The following PDE2A variants were observed in gnomAD, a reference collection of about 807,000 sequenced individuals.
PDE2A encodes cGMP-dependent 3',5'-cyclic phosphodiesterase.
In PDE2A, 53 loss-of-function variants were observed where a neutral mutation model predicts 133.6. The ratio of observed to expected loss-of-function variants is 0.40; its 90% CI spans 0.32 to 0.50. The LOEUF (loss-of-function observed/expected upper bound fraction) is 0.50, where lower values mean the gene tolerates loss of function less well. Among genes scored for constraint, PDE2A ranks in the 20% least tolerant of loss-of-function variants. PDE2A has a pLI of 0.73. For synonymous variants in PDE2A, 491 were observed against 490.2 expected (o/e 1.00, Z -0.02); for missense variants, 796 against 1,232.4 (o/e 0.65, Z 5.30).
chr11:72,580,318 G>A (rs1423943342), intron 25 of PDE2A, among the ~76,000 whole-genome samples: 1 of 152,190 alleles, frequency 6.6e-6, no homozygotes, highest in Non-Finnish European at 1.5e-5. Context: ...CCCATCCCAA[G>A]TTTGGCAGGA....
chr11:72,635,907 G>C (rs1347359229), intron 2 of PDE2A: 3 of 1,031,056 alleles, frequency 2.9e-6, no homozygotes, highest in East Asian at 6.9e-5. Flanking sequence ...TCTCACTCCC[G>C]GCCCTCTCCA....
At position 72,577,299 on chromosome 11, in the gene PDE2A, CCGTGGCT is replaced by C. The variant is rs1195947037; in HGVS notation, c.*78_*84del. On this transcript the variant is annotated 3_prime_UTR_variant, in exon 31 of 31. Coordinates refer to ENST00000334456, the MANE Select transcript of PDE2A (RefSeq NM_002599.5). ...GAAGTCCTGGTCTAGGACCCAGGACCCGTGGCTCTGTTCCCAGTGCATCTGGCCAGAC... is the reference window on the plus strand; with the variant it reads ...GAAGTCCTGGTCTAGGACCCAGGACCCTGTTCCCAGTGCATCTGGCCAGAC... The C allele has an allele frequency of 9.0e-5, 91 of 1,011,886 alleles. 1 individual carries two copies. In the Middle Eastern group the frequency reaches 1.0e-3, roughly 11 times the overall value. The allele number at this position is 1,011,886 out of a possible 1,614,324, so 62.7% of individuals were successfully genotyped here. A position where few individuals can be genotyped will look rare whatever the true frequency, so the allele number is the denominator to read the frequency against.
chr11:72,632,770 T>C (rs1858471506), intron 2 of PDE2A, among the ~76,000 whole-genome samples: 1 of 151,226 alleles, frequency 6.6e-6, no homozygotes, highest in African/African-American at 2.4e-5. Flanking sequence ...AGAATCCAGC[T>C]CCCCCCTCAC....
chr11:72,671,911 C>T (rs1481952449), intron 1 of PDE2A, among the ~76,000 whole-genome samples: 2 of 152,142 alleles, frequency 1.3e-5, no homozygotes, highest in Non-Finnish European at 2.9e-5. Flanking sequence ...TTTCCTGAGC[C>T]TTCCATGAGC....
intron 4 of PDE2A, among the ~76,000 whole-genome samples, chr11:72,603,596 T>G (rs566682522): frequency 6.6e-6 from 1 of 152,294 alleles, no homozygotes; most frequent in South Asian, 2.1e-4. Context: ...CAAAGTTCTT[T>G]AGAATTAGAG....
intron 4 of PDE2A, among the ~76,000 whole-genome samples, chr11:72,600,641 G>A (rs370693974): frequency 6.6e-6 from 1 of 152,076 alleles, no homozygotes; most frequent in Non-Finnish European, 1.5e-5. Context: ...TCAGACCCCC[G>A]ATAGCTCCTT....
Position 72,590,078 on chromosome 11 carries a change from G to A in PDE2A, c.757-97C>T. 7.1e-7 allele frequency: 1 copy of A among 1,407,562 alleles called. No individual in the cohort carries two copies. 87.2% of individuals were successfully genotyped at this position (1,407,562 alleles called of 1,614,324 possible). On this transcript the variant is annotated intron_variant, in intron 9 of 30. Coordinates refer to ENST00000334456, the MANE Select transcript of PDE2A (RefSeq NM_002599.5). The surrounding 1 kb of genome is among the most constrained non-coding windows in gnomAD (Gnocchi z 4.8). ...CTCCGGGGCTCTTCAGGCGGGTGGA[G>A]GAGAGAGGAAGGAAGGACATCGTAA...
rs564692663 is a variant in PDE2A, at chr11:72,657,564, G to A, written c.72-15238C>T. On this transcript the variant is annotated intron_variant, in intron 1 of 30. Coordinates refer to ENST00000334456, the MANE Select transcript of PDE2A (RefSeq NM_002599.5). ...AGCCAAAGGGGTCTCTGGCCTCTGC[G>A]GCTGAGCCCTGACTGGAGGCTAAGA... 3.9e-5 allele frequency among the ~76,000 whole-genome samples: 6 copies of A among 152,270 alleles called. No individual in the cohort carries two copies. In the South Asian group the frequency reaches 8.3e-4, roughly 21 times the overall value.
chr11:72,645,041 C>CACTG (rs924754176), intron 1 of PDE2A, among the ~76,000 whole-genome samples: 2 of 152,242 alleles, frequency 1.3e-5, no homozygotes, highest in Non-Finnish European at 2.9e-5. Context: ...AGGTGTGAGC[C>CACTG]ACTGCACCCA....
Position 72,591,193 on chromosome 11 carries a change from C to T in PDE2A, c.549+104G>A, listed in dbSNP as rs146209915. ...TCACACAGCTCAAAAGCAGCAAAGC[C>T]GAAGCTGAAACCCAGGTCTGTCCAG... is the stretch of plus-strand genomic sequence containing the variant. On this transcript the variant is annotated intron_variant, in intron 7 of 30. Transcript: ENST00000334456. 1.4e-3 allele frequency: 1,295 copies of T among 917,910 alleles called. 8 individuals carry two copies. The African/African-American group carries it at 0.019, about 13-fold the overall frequency. The allele number at this position is 917,910 out of a possible 1,614,324, so 56.9% of individuals were successfully genotyped here.
At chr11:72,641,790 T>A (rs1316615547) in intron 2 of PDE2A, among the ~76,000 whole-genome samples, 1 of 152,104 alleles carries the variant, frequency 6.6e-6, no homozygotes, top group Non-Finnish European at 1.5e-5. Flanking sequence ...TCTGAGCGGG[T>A]GTCCAGTTGA....
chr11:72,605,274 T>C (rs1212641504), intron 3 of PDE2A, 48 bp from the exon 4 acceptor site: 2 of 1,234,016 alleles, frequency 1.6e-6, no homozygotes, highest in Non-Finnish European at 1.2e-6. Context: ...CCCTCCCAGC[T>C]GCCCAGTCCC....
Position 72,590,315 on chromosome 11 carries a change from C to G in PDE2A, c.704-71G>C. On this transcript the variant is annotated intron_variant, in intron 8 of 30. Coordinates refer to ENST00000334456, the MANE Select transcript of PDE2A (RefSeq NM_002599.5). The surrounding 1 kb of genome is among the most constrained non-coding windows in gnomAD (Gnocchi z 4.8). ...CCGTGTCCGGGTCCCTCAGGCGCCG[C>G]TCAGCTCCGCGCCGGGCCCGCCGCC... 2 of 1,539,910 alleles carry G rather than the reference C, an allele frequency of 1.3e-6. No individual in the cohort carries two copies.
In PDE2A at chr11:72,581,944, T is replaced by C. The variant is rs562164702; in HGVS notation, c.1855A>G (p.Ile619Val). ...SLPEDDTSMA[I>V]LSMLQDMNFI... ...TTCATGTCCTGCAGCATGCTCAGGA[T>C]GGCCTGGAGAGGGCAGAGGGAGGTA... Residue 619 changes from isoleucine to valine, a missense_variant, in exon 22 of 31, where the codon ATC becomes GTC. By Grantham distance (29) the Ile-to-Val change is conservative. Transcript: ENST00000334456. The C allele has an allele frequency of 1.2e-6, 2 of 1,613,734 alleles. No individual in the cohort carries two copies. Among genetic ancestry groups the C allele is most frequent in the African/African-American group, 1.3e-5 (1 of 75,040 alleles).
chr11:72,649,214 G>A (rs1283543617), intron 1 of PDE2A: 3 of 152,254 alleles, frequency 2.0e-5, no homozygotes, highest in African/African-American at 4.8e-5. Context: ...CCACCATGCT[G>A]TCAGCTCTGT....
intron 3 of PDE2A, among the ~76,000 whole-genome samples, chr11:72,607,151 T>C (rs1857005300): frequency 2.0e-5 from 3 of 152,198 alleles, no homozygotes; most frequent in Non-Finnish European, 2.9e-5. Context: ...CTAGCTCCTA[T>C]AGGGCTCTTG....
At chr11:72,606,072 C>A (rs568125742) in intron 3 of PDE2A, among the ~76,000 whole-genome samples, 2 of 151,972 alleles carry the variant, frequency 1.3e-5, no homozygotes, top group Non-Finnish European at 2.9e-5. Context: ...AGCTCTTGCT[C>A]TTTAATCCTC....
chr11:72,619,092 A>C (rs1174245355), intron 2 of PDE2A, among the ~76,000 whole-genome samples: 1 of 152,184 alleles, frequency 6.6e-6, no homozygotes, highest in Non-Finnish European at 1.5e-5. Context: ...GGCTGGGTAA[A>C]TATGTCAGCC....
chr11:72,591,533 C>T (rs1363504348), intron 6 of PDE2A, among the ~76,000 whole-genome samples, 177 bp from the exon 7 acceptor site: 3 of 152,178 alleles, frequency 2.0e-5, no homozygotes, highest in African/African-American at 7.2e-5. Flanking sequence ...GAAAATCCCT[C>T]CTGTAGGAAG....
Sources: allele counts gnomAD v4.1 joint callset (sites outside exome capture counted in the v4.1 genomes callset), GRCh38; gene constraint gnomAD v4.1.1; non-coding constraint Gnocchi (gnomAD v3.1); transcripts MANE v1.5; gene names NCBI Gene and HGNC (gene_info 2026-07-23, HGNC 2026-07-21).